Variants in MTCL1 observed in about 807,000 individuals in gnomAD.
MTCL1 encodes microtubule crosslinking factor 1.
Under a neutral mutation model 141.4 loss-of-function variants are expected in MTCL1, and 79 were observed. That is an observed-to-expected ratio of 0.56 (90% CI 0.47 to 0.67). The LOEUF is 0.67. Among genes scored for constraint, MTCL1 ranks in the 30% least tolerant of loss-of-function variants. The probability of loss-of-function intolerance (pLI) is 0.00; values close to 1 mark genes in which losing one functional copy is unlikely to be tolerated. For missense variants in MTCL1, 2,177 were observed against 2,113.9 expected (o/e 1.03, Z -0.59); for synonymous variants, 914 against 875.8 (o/e 1.04, Z -0.77).
chr18:8,765,317 G>C (rs529905985), intron 4 of MTCL1, among the ~76,000 whole-genome samples: 4 of 152,222 alleles, frequency 2.6e-5, no homozygotes, highest in African/African-American at 9.6e-5. Context: ...ACACACTCAC[G>C]CTCTGCCCCA....
intron 7 of MTCL1, among the ~76,000 whole-genome samples, chr18:8,791,376 T>C (rs1183451550): frequency 2.0e-5 from 3 of 151,252 alleles, no homozygotes; most frequent in Non-Finnish European, 4.4e-5. Flanking sequence ...ATTTATGTTA[T>C]GTTGCTAGCT....
chr18:8,756,399 A>G (rs930255284), intron 4 of MTCL1, among the ~76,000 whole-genome samples: 45 of 149,024 alleles, frequency 3.0e-4, no homozygotes, highest in Non-Finnish European at 4.6e-4. Flanking sequence ...GTATATATGT[A>G]TATATGTGTG....
chr18:8,787,908 C>T (rs777097559), intron 7 of MTCL1, among the ~76,000 whole-genome samples: 32 of 152,120 alleles, frequency 2.1e-4, no homozygotes, highest in Admixed American at 1.9e-3. Context: ...GAGCCTGGGT[C>T]GGGAGAGGCC....
At chr18:8,813,798 C>T (rs2076564353) in intron 12 of MTCL1, among the ~76,000 whole-genome samples, 1 of 152,110 alleles carries the variant, frequency 6.6e-6, no homozygotes, top group African/African-American at 2.4e-5. Flanking sequence ...TTCAGCTAAA[C>T]AAACAATTCA....
intron 4 of MTCL1, among the ~76,000 whole-genome samples, chr18:8,767,872 T>C (rs1189583327): frequency 6.6e-6 from 1 of 152,234 alleles, no homozygotes; most frequent in African/African-American, 2.4e-5. Context: ...AGCGTTTTAG[T>C]GTATTTGCTT....
chr18:8,738,226 A>G (rs1038597656), intron 4 of MTCL1, among the ~76,000 whole-genome samples: 8 of 152,144 alleles, frequency 5.3e-5, no homozygotes, highest in Non-Finnish European at 1.2e-4. Flanking sequence ...AAATAATTGT[A>G]TGCATTAATC....
intron 4 of MTCL1, among the ~76,000 whole-genome samples, chr18:8,745,824 G>A (rs78478522): frequency 0.042 from 6,382 of 152,224 alleles, 211 homozygotes; most frequent in African/African-American, 0.091. Context: ...AGCAACCGCC[G>A]TCTATCTCCA....
In MTCL1 at chr18:8,819,309, C is replaced by T. The variant is rs142983455; in HGVS notation, c.3156+50C>T. ...GTTAACCACTGTGGAATGAGGGAGCCGTCATGAAACCTAAGAGGCATCTGC... is the reference window on the plus strand; with the variant it reads ...GTTAACCACTGTGGAATGAGGGAGCTGTCATGAAACCTAAGAGGCATCTGC... On this transcript the variant is annotated intron_variant, in intron 13 of 16. Transcript: ENST00000359865. 42 of 1,585,090 alleles carry T rather than the reference C, an allele frequency of 2.6e-5. No individual in the cohort carries two copies. In the East Asian group the frequency reaches 5.2e-4, roughly 19 times the overall value.
intron 4 of MTCL1, among the ~76,000 whole-genome samples, chr18:8,754,604 T>C (rs1598499300): frequency 1.3e-5 from 2 of 152,304 alleles, no homozygotes; most frequent in African/African-American, 2.4e-5. Context: ...CCAAGTCGTT[T>C]TGTAAGATTT....
intron 4 of MTCL1, among the ~76,000 whole-genome samples, chr18:8,751,048 G>A (rs2096368322): frequency 6.6e-6 from 1 of 152,158 alleles, no homozygotes; most frequent in Non-Finnish European, 1.5e-5. Context: ...CCTGGGCAGC[G>A]GGCCCCCAGA....
chr18:8,738,522 C>G (rs2148897710), intron 4 of MTCL1, among the ~76,000 whole-genome samples: 1 of 152,220 alleles, frequency 6.6e-6, no homozygotes, highest in South Asian at 2.1e-4. Flanking sequence ...TAAAAATGAC[C>G]TTGGGAGAGA....
At chr18:8,747,932 C>T (rs1035960294) in intron 4 of MTCL1, among the ~76,000 whole-genome samples, 1 of 152,202 alleles carries the variant, frequency 6.6e-6, no homozygotes, top group African/African-American at 2.4e-5. Context: ...TTGTGTGCCC[C>T]ATGCTGGAGT....
chr18:8,770,328 G>A (rs2096480088), intron 4 of MTCL1, among the ~76,000 whole-genome samples: 1 of 152,214 alleles, frequency 6.6e-6, no homozygotes, highest in Non-Finnish European at 1.5e-5. Flanking sequence ...GTCAGCTTGG[G>A]CTGCTGTAAC....
chr18:8,756,937 C>T (rs975672999), intron 4 of MTCL1, among the ~76,000 whole-genome samples: 2 of 152,226 alleles, frequency 1.3e-5, no homozygotes, highest in Non-Finnish European at 2.9e-5. Flanking sequence ...GGATGTGACA[C>T]TTGCAAAGCA....
Position 8,828,760 on chromosome 18 carries a change from G to C in MTCL1, c.4723-148G>C. The C allele has an allele frequency of 7.5e-7, 1 of 1,334,814 alleles. No individual in the cohort carries two copies. 82.7% of individuals were successfully genotyped at this position (1,334,814 alleles called of 1,614,324 possible). On this transcript the variant is annotated intron_variant, in intron 15 of 16. Coordinates refer to ENST00000359865, the Ensembl canonical transcript of MTCL1. The surrounding 1 kb of genome is among the most constrained non-coding windows in gnomAD (Gnocchi z 5.2). Reference sequence around the variant, plus strand: ...GTGAATGTGCTAGATCTGAGAGCCCGCAAGTCTCTCCTGGTGGCTACCCCT... The same window carrying C: ...GTGAATGTGCTAGATCTGAGAGCCCCCAAGTCTCTCCTGGTGGCTACCCCT...
chr18:8,817,924 A>G (rs1170244124), intron 12 of MTCL1, among the ~76,000 whole-genome samples: 11 of 152,216 alleles, frequency 7.2e-5, no homozygotes, highest in Admixed American at 7.2e-4. Context: ...AGGAGGGATC[A>G]GAAGAATGGA....
chr18:8,706,046 G>T (rs1172656876), exon 1 of MTCL1: 3 of 1,185,592 alleles, frequency 2.5e-6, no homozygotes, highest in Admixed American at 4.5e-5. Context: ...GCCCTGGGAA[G>T]CAGGAGGGCG....
intron 5 of MTCL1, chr18:8,782,366 A>G (rs1358029605): frequency 1.3e-5 from 2 of 152,236 alleles, no homozygotes; most frequent in African/African-American, 4.8e-5. Context: ...GGCCGATCAA[A>G]GAGGAGTGAT....
intron 4 of MTCL1, 87 bp from the exon 4 acceptor site, chr18:8,777,746 T>G (rs2096517020): frequency 1.9e-5 from 22 of 1,132,322 alleles, no homozygotes; most frequent in Non-Finnish European, 5.3e-6. Flanking sequence ...TCAGTGTGTG[T>G]GTCCCCACCC....
Sources: gnomAD v4.1 joint callset for allele counts (sites outside exome capture counted in the v4.1 genomes callset) on GRCh38, gnomAD v4.1.1 for gene constraint, Gnocchi (gnomAD v3.1) non-coding constraint, MANE v1.5 for transcripts, NCBI Gene and HGNC (gene_info 2026-07-23, HGNC 2026-07-21) for gene names.